Variants in CYP4B1 observed in about 807,000 individuals in gnomAD.
CYP4B1 encodes the protein cytochrome P450 4B1.
Under a neutral mutation model 54.0 loss-of-function variants are expected in CYP4B1, and 45 were observed. The ratio of observed to expected loss-of-function variants is 0.83; its 90% CI spans 0.66 to 1.07. The LOEUF (loss-of-function observed/expected upper bound fraction) is 1.07. Among genes scored for constraint, CYP4B1 ranks in the 50% least tolerant of loss-of-function variants. The pLI, the probability that CYP4B1 is intolerant of heterozygous loss-of-function variation, is 0.00. For missense variants in CYP4B1, 656 were observed against 655.4 expected, an observed-to-expected ratio of 1.00 and a Z score of -0.01; for synonymous variants, 248 against 247.5, an observed-to-expected ratio of 1.00 and a Z score of -0.02.
intron 1 of CYP4B1, among the ~76,000 whole-genome samples, chr1:46,802,581 T>C (rs886099077): frequency 1.3e-5 from 2 of 152,224 alleles, no homozygotes; most frequent in African/African-American, 4.8e-5. Context: ...TTTGCTTTCT[T>C]CATCCCCTTC....
chr1:46,814,192 C>G lies in CYP4B1; in HGVS notation c.776-17C>G, dbSNP rs1309884544. ...AGATGGCTTCCCAGGCAGTGACACT[C>G]TGTGCTTTTGGTTCAGACCAGGTCA... is the stretch of plus-strand genomic sequence containing the variant. On this transcript the variant is annotated splice_polypyrimidine_tract_variant and intron_variant, in intron 6 of 11. Transcript: ENST00000371923. 14 of 1,613,588 alleles carry G rather than the reference C, an allele frequency of 8.7e-6. No homozygotes were observed. The highest frequency in any genetic ancestry group is 1.0e-5 in the Non-Finnish European group (12 of 1,179,532).
At chr1:46,799,926 G>A (rs1678544078) in intron 1 of CYP4B1, among the ~76,000 whole-genome samples, 1 of 152,214 alleles carries the variant, frequency 6.6e-6, no homozygotes. Flanking sequence ...TAGACCAGAG[G>A]TTTCTAATTA....
At position 46,818,154 on chromosome 1, in the gene CYP4B1, C is replaced by T. The variant is rs143337507; in HGVS notation, c.1296C>T (p.Ser432=). ...DPEVFDSLRF[S]TENASKRHPF... ...AGGTCTTTGACTCTCTGCGCTTTTC[C>T]ACTGAGAATGCATCCAAACGCCATC... Residue 432 remains serine, a synonymous_variant, in exon 11 of 12, where the codon TCC becomes TCT. Coordinates refer to ENST00000371923, the MANE Select transcript of CYP4B1 (RefSeq NM_001099772.2). 12 of 1,614,152 alleles carry T rather than the reference C, an allele frequency of 7.4e-6. No homozygotes were observed. Among genetic ancestry groups the T allele is most frequent in the Non-Finnish European group, 9.3e-6 (11 of 1,180,016 alleles).
chr1:46,805,992 G>A (rs1678844805), intron 1 of CYP4B1, among the ~76,000 whole-genome samples: 1 of 152,214 alleles, frequency 6.6e-6, no homozygotes, highest in Admixed American at 6.5e-5. Context: ...TCCCTGGGCA[G>A]TGGGAGCCTG....
intron 3 of CYP4B1, 86 bp downstream of exon 3, chr1:46,811,270 G>T (rs933143638): frequency 3.6e-6 from 5 of 1,392,642 alleles, no homozygotes; most frequent in Admixed American, 1.7e-5. Context: ...CCACTCAATT[G>T]GTTATCCCAG....
chr1:46,812,388 C>A, intron 3 of CYP4B1, 108 bp from the exon 4 acceptor site: 1 of 1,358,446 alleles, frequency 7.4e-7, no homozygotes. Flanking sequence ...CTTAGTGGCC[C>A]ACCCTTGGAG....
At chr1:46,817,437 A>C in intron 9 of CYP4B1, 2 of 531,082 alleles carry the variant, frequency 3.8e-6, no homozygotes, top group Non-Finnish European at 6.7e-6. Context: ...GAGAATGTTC[A>C]CCAAGGCTGC....
At chr1:46,809,561 C>T (rs563422629) in intron 1 of CYP4B1, among the ~76,000 whole-genome samples, 1 of 152,294 alleles carries the variant, frequency 6.6e-6, no homozygotes, top group South Asian at 2.1e-4. Context: ...AAAATGGGAC[C>T]ACTTAGAGTT....
chr1:46,801,376 T>C (rs956596220), intron 1 of CYP4B1, among the ~76,000 whole-genome samples: 1 of 152,144 alleles, frequency 6.6e-6, no homozygotes, highest in Admixed American at 6.5e-5. Context: ...AGGGACTTCT[T>C]TAGGACAGGG....
At position 46,799,208 on chromosome 1, in the gene CYP4B1, A is replaced by G. The variant is rs958474459; in HGVS notation, c.127A>G (p.Met43Val). The G allele has an allele frequency of 1.2e-5, 20 of 1,607,854 alleles. No individual in the cohort carries two copies. Among genetic ancestry groups the G allele is most frequent in the Middle Eastern group, 1.6e-4 (1 of 6,080 alleles). ...GCGGAGGCAGACGTTGGCTAAGGCT[A>G]TGGACAAATTCCCAGGGCCTCCCAC... ...LLRRQTLAKA[M>V]DKFPGPPTHW... Residue 43 changes from methionine to valine, a missense_variant, in exon 1 of 12, where the codon ATG (methionine) becomes GTG (valine). Transcript: ENST00000371923.
chr1:46,804,333 G>A (rs1185316291), intron 1 of CYP4B1, among the ~76,000 whole-genome samples: 1 of 152,130 alleles, frequency 6.6e-6, no homozygotes, highest in African/African-American at 2.4e-5. Flanking sequence ...GGAAACAGTG[G>A]GCACAGCTCT....
intron 10 of CYP4B1, 31 bp from the exon 11 acceptor site, chr1:46,818,100 G>C (rs1679410926): frequency 6.2e-7 from 1 of 1,613,756 alleles, no homozygotes; most frequent in African/African-American, 1.3e-5. Context: ...CCAGAACCTG[G>C]CGAGTGTTTA....
At chr1:46,803,117 A>G (rs45625736) in intron 1 of CYP4B1, among the ~76,000 whole-genome samples, 2,029 of 152,248 alleles carry the variant, frequency 0.013, 13 homozygotes, top group Middle Eastern at 0.031. Context: ...AAAAGGCTTT[A>G]CCTTATTTTG....
At chr1:46,806,100 T>C (rs1439412741) in intron 1 of CYP4B1, among the ~76,000 whole-genome samples, 2 of 152,178 alleles carry the variant, frequency 1.3e-5, no homozygotes, top group Non-Finnish European at 2.9e-5. Context: ...TGTCCAAAGA[T>C]GGTTGGGGTA....
intron 1 of CYP4B1, among the ~76,000 whole-genome samples, chr1:46,801,597 C>T (rs1678665526): frequency 1.3e-5 from 2 of 152,174 alleles, no homozygotes; most frequent in South Asian, 2.1e-4. Context: ...CAAAGGTTTC[C>T]TGGGGAACCA....
chr1:46,813,807 C>A (rs1679211580), intron 5 of CYP4B1, 102 bp from the exon 6 acceptor site: 3 of 1,479,742 alleles, frequency 2.0e-6, no homozygotes, highest in Non-Finnish European at 1.9e-6. Context: ...AGAAGAAGAG[C>A]AGGATGCTCT....
chr1:46,804,057 G>T (rs1678762777), intron 1 of CYP4B1, among the ~76,000 whole-genome samples: 1 of 152,216 alleles, frequency 6.6e-6, no homozygotes, highest in African/African-American at 2.4e-5. Context: ...TGTCAACTGA[G>T]AAATTGTTGG....
chr1:46,807,522 C>A (rs190196563), intron 1 of CYP4B1, among the ~76,000 whole-genome samples: 8 of 152,212 alleles, frequency 5.3e-5, no homozygotes, highest in Admixed American at 2.6e-4. Flanking sequence ...AAGACAGACA[C>A]CAGGGAAAGG....
chr1:46,810,824 G>T lies in CYP4B1; in HGVS notation c.197G>T (p.Ser66Ile), dbSNP rs371550401. Residue 66 changes from serine to isoleucine, a missense_variant, in exon 2 of 12, where the codon AGC becomes ATC. By Grantham distance (142) the Ser-to-Ile change is moderately radical. Transcript: ENST00000371923. ...GHALEIQETG[S>I]LDKVVSWAHQ... ...TCATTTCAGATCCAGGAGACGGGGA[G>T]CCTGGACAAAGTGGTGTCCTGGGCC... 12 of 1,614,058 alleles carry T rather than the reference G, an allele frequency of 7.4e-6. No individual in the cohort carries two copies. The highest frequency in any genetic ancestry group is 5.0e-5 in the Admixed American group (3 of 60,010).
Sources: gnomAD v4.1 joint callset for allele counts (sites outside exome capture counted in the v4.1 genomes callset) on GRCh38, gnomAD v4.1.1 for gene constraint, MANE v1.5 for transcripts, NCBI Gene and HGNC (gene_info 2026-07-23, HGNC 2026-07-21) for gene names.